OTOP3: variants seen among roughly 807,000 people sequenced by gnomAD.
The protein encoded by OTOP3 is proton channel OTOP3.
Under a neutral mutation model 50.8 loss-of-function variants are expected in OTOP3, and 41 were observed. The observed-to-expected ratio is 0.81, with a 90% CI of 0.63 to 1.05. OTOP3 has a LOEUF of 1.05. OTOP3 is among the 50% of genes least tolerant of loss of function. OTOP3 has a pLI of 0.00. For synonymous variants in OTOP3, 320 were observed against 324.4 expected (o/e 0.99, Z 0.14); for missense variants, 788 against 760.8 (o/e 1.04, Z -0.42).
In OTOP3 at chr17:74,947,356, G is replaced by A. The variant is rs1356309302; in HGVS notation, c.1447G>A (p.Glu483Lys). The change falls in exon 6 of 7, where the codon GAG (glutamate) becomes AAG (lysine). Residue 483 changes from glutamate (E) to lysine (K), a missense_variant. Physicochemically the swap from Glu to Lys is moderately conservative, Grantham distance 56 (BLOSUM62 1). Transcript: ENST00000328801. ...GCCTCCCCGCAGAGGCTCCTTGCTG[G>A]AGCTGGGCCAGGGCCTGCAGCGGGC... ...AEPPRRGSLL[E>K]LGQGLQRASL... 1.2e-6 allele frequency: 2 copies of A among 1,613,060 alleles called. No individual in the cohort carries two copies. The highest frequency in any genetic ancestry group is 1.3e-5 in the African/African-American group (1 of 75,064).
Position 74,947,494 on chromosome 17 carries a change from G to T in OTOP3, c.1566+19G>T. On this transcript the variant is annotated intron_variant, in intron 6 of 6. Transcript: ENST00000328801. ...TATCACAGTAAGTGGCTGGGCTAAG[G>T]GGCCTGGAGGGTAGAGGTGGCCAGG... The T allele has an allele frequency of 1.3e-6, 2 of 1,565,788 alleles. No homozygotes were observed. The highest frequency in any genetic ancestry group is 1.7e-6 in the Non-Finnish European group (2 of 1,155,450).
intron 5 of OTOP3, 22 bp from the exon 6 acceptor site, chr17:74,946,639 T>C (rs778352892): frequency 6.3e-7 from 1 of 1,581,842 alleles, no homozygotes; most frequent in East Asian, 2.2e-5. Context: ...TGTCTGTCCC[T>C]CCCACCCTGC....
Position 74,949,272 on chromosome 17 carries a change from A to T in OTOP3, c.1593A>T (p.Ile531=). The T allele has an allele frequency of 6.2e-7, 1 of 1,614,068 alleles. No individual in the cohort carries two copies. Among genetic ancestry groups the T allele is most frequent in the Non-Finnish European group, 8.5e-7 (1 of 1,179,982 alleles). ...ITLWMMPAFG[I]HPEFENGLEK... ...TGTGGATGATGCCTGCATTTGGCAT[A>T]CACCCGGAGTTTGAGAACGGGCTAG... Residue 531 remains isoleucine (I), a synonymous_variant, in exon 7 of 7, where the codon ATA becomes ATT. Coordinates refer to ENST00000328801, the MANE Select transcript of OTOP3 (RefSeq NM_001272005.2).
rs902573024 is a variant in OTOP3 at position 74,949,107 on chromosome 17, G to C, written c.1567-139G>C. 4.8e-6 allele frequency: 4 copies of C among 834,304 alleles called. No individual in the cohort carries two copies. In the African/African-American group the frequency reaches 6.9e-5, roughly 14 times the overall value. 51.7% of individuals were successfully genotyped at this position (834,304 alleles called of 1,614,324 possible). A position where few individuals can be genotyped will look rare whatever the true frequency, so the allele number is the denominator to read the frequency against. ...GGGGAAAGAAGAGCTCACGCTGAAA[G>C]CCCAAGGGTTAGAAGAAGACTGAGC... On this transcript the variant is annotated intron_variant, in intron 6 of 6. Transcript: ENST00000328801.
intron 5 of OTOP3, among the ~76,000 whole-genome samples, chr17:74,944,680 C>T (rs2039209029): frequency 6.6e-6 from 1 of 152,118 alleles, no homozygotes; most frequent in African/African-American, 2.4e-5. Flanking sequence ...TCGCTTGAAC[C>T]CGGGAGGCGG....
At chr17:74,945,282 G>A (rs919153334) in intron 5 of OTOP3, among the ~76,000 whole-genome samples, 6 of 152,184 alleles carry the variant, frequency 3.9e-5, no homozygotes, top group Admixed American at 2.0e-4. Flanking sequence ...AGAAAGAGAT[G>A]TATTCCCCCA....
intron 3 of OTOP3, 64 bp downstream of exon 3, chr17:74,942,101 C>T (rs1410989546): frequency 1.3e-6 from 2 of 1,533,710 alleles, no homozygotes; most frequent in African/African-American, 1.4e-5. Flanking sequence ...GCCATGCACA[C>T]ACCTCCCACT....
At position 74,947,066 on chromosome 17, in the gene OTOP3, T is replaced by C. The variant is rs372009443; in HGVS notation, c.1157T>C (p.Leu386Pro). 9 of 1,613,994 alleles carry C rather than the reference T, an allele frequency of 5.6e-6. No individual in the cohort carries two copies. Among genetic ancestry groups the C allele is most frequent in the African/African-American group, 5.3e-5 (4 of 74,944 alleles). The change falls in exon 6 of 7, where the codon CTG (leucine) becomes CCG (proline). Residue 386 changes from leucine to proline, a missense_variant. Physicochemically the swap from Leu to Pro is moderately conservative, Grantham distance 98 (BLOSUM62 -3). Transcript: ENST00000328801. ...ATACACGGGCTGGAGGAGAGAGAGCTGGACACGGTCAAGAACCCTACCCGC... is the reference window on the plus strand; with the variant it reads ...ATACACGGGCTGGAGGAGAGAGAGCCGGACACGGTCAAGAACCCTACCCGC... ...TAIHGLEERE[L>P]DTVKNPTRSL...
At chr17:74,935,981 C>T (rs2039110869) in intron 1 of OTOP3, 41 bp downstream of exon 1, 1 of 1,537,714 alleles carries the variant, frequency 6.5e-7, no homozygotes, top group African/African-American at 1.4e-5. Context: ...AGCTTGCGCA[C>T]CCCAGACACT....
chr17:74,936,071 G>C (rs1411646795), intron 1 of OTOP3, 131 bp downstream of exon 1: 1 of 1,400,500 alleles, frequency 7.1e-7, no homozygotes, highest in Non-Finnish European at 9.6e-7. Context: ...CGGGGTGACT[G>C]TGGAGAGGTG....
Position 74,947,143 on chromosome 17 carries a change from G to A in OTOP3, c.1234G>A (p.Ala412Thr), listed in dbSNP as rs372978151. The change falls in exon 6 of 7, where the codon GCC (alanine) becomes ACC (threonine). Residue 412 changes from alanine to threonine, a missense_variant. Transcript: ENST00000328801. Reference protein sequence around the residue: ...MGAALGQMGIAYFSIVAIVAK... With the variant: ...MGAALGQMGITYFSIVAIVAK... ...TGCTGCACTGGGCCAGATGGGCATC[G>A]CCTATTTCTCCATCGTGGCCATTGT... 54 of 1,613,932 alleles carry A rather than the reference G, an allele frequency of 3.3e-5. No homozygotes were observed. The highest frequency in any genetic ancestry group is 1.6e-4 in the East Asian group (7 of 44,902).
chr17:74,943,773 C>CAA, intron 5 of OTOP3, 49 bp downstream of exon 5: 1 of 1,236,746 alleles, frequency 8.1e-7, no homozygotes. Context: ...CACACACACA[C>CAA]ACACACACAC....
rs990114071 is a variant in OTOP3 at position 74,946,636 on chromosome 17, C to T, written c.752-25C>T. The T allele has an allele frequency of 8.9e-6, 14 of 1,574,118 alleles. No individual in the cohort carries two copies. The African/African-American group carries it at 1.9e-4, about 21-fold the overall frequency. ...GAGCAGAGCCTGCCTGAATGTCTGT[C>T]CCTCCCACCCTGCCTCCCTCCCAGG... is the stretch of plus-strand genomic sequence containing the variant. On this transcript the variant is annotated intron_variant, in intron 5 of 6. Coordinates refer to ENST00000328801, the MANE Select transcript of OTOP3 (RefSeq NM_001272005.2).
Position 74,942,051 on chromosome 17 carries a change from C to T in OTOP3, c.573+14C>T. The T allele has an allele frequency of 6.3e-7, 1 of 1,597,918 alleles. No homozygotes were observed. Among genetic ancestry groups the T allele is most frequent in the Non-Finnish European group, 8.5e-7 (1 of 1,170,934 alleles). ...ATCGGCGTCCAGGTGACAGGCTTCT[C>T]ACGTCCCCACATCACCGAGGACATA... On this transcript the variant is annotated intron_variant, in intron 3 of 6. Coordinates refer to ENST00000328801, the MANE Select transcript of OTOP3 (RefSeq NM_001272005.2).
intron 5 of OTOP3, among the ~76,000 whole-genome samples, chr17:74,946,072 G>C (rs2039222015): frequency 6.6e-6 from 1 of 152,096 alleles, no homozygotes; most frequent in Non-Finnish European, 1.5e-5. Context: ...CTGCCTCCCG[G>C]TCTCAAGCCA....
At chr17:74,942,103 C>T (rs2039182732) in intron 3 of OTOP3, 66 bp downstream of exon 3, 8 of 1,521,916 alleles carry the variant, frequency 5.3e-6, no homozygotes, top group Non-Finnish European at 6.2e-6. Flanking sequence ...CATGCACACA[C>T]CTCCCACTAC....
At position 74,943,722 on chromosome 17, in the gene OTOP3, C is replaced by G. The variant is rs2039199922; in HGVS notation, c.749C>G (p.Thr250Arg). Residue 250 changes from threonine (T) to arginine (R), a missense_variant and splice_region_variant, in exon 5 of 7, where the codon ACA (threonine) becomes AGA (arginine). Physicochemically the swap from Thr to Arg is moderately conservative, Grantham distance 71. Coordinates refer to ENST00000328801, the MANE Select transcript of OTOP3 (RefSeq NM_001272005.2). ...AELGILMEKS[T>R]GNETNTCLCL... ...CTTGGCATCCTCATGGAAAAATCCA[C>G]AGGTATGGAAAGGAGACCAGGTCTT... 1.2e-6 allele frequency: 2 copies of G among 1,603,892 alleles called. No homozygotes were observed. Among genetic ancestry groups the G allele is most frequent in the Admixed American group, 1.7e-5 (1 of 59,886 alleles).
chr17:74,944,256 T>C (rs537890693), intron 5 of OTOP3, among the ~76,000 whole-genome samples: 1 of 152,040 alleles, frequency 6.6e-6, no homozygotes, highest in African/African-American at 2.4e-5. Flanking sequence ...CACACCTGTA[T>C]GTACATGCCC....
Position 74,941,959 on chromosome 17 carries a change from C to T in OTOP3, c.495C>T (p.Tyr165=), listed in dbSNP as rs748203555. ...GCCTCAACATCTTCCGAGTGGGCTA[C>T]GATGTGAGCCACATCCGCTGCAAGT... is the stretch of plus-strand genomic sequence containing the variant. The part of the protein sequence containing the change: ...TFCLNIFRVG[Y]DVSHIRCKSQ... The change falls in exon 3 of 7, where the codon TAC becomes TAT. Residue 165 remains tyrosine (Y), a synonymous_variant. Transcript: ENST00000328801. 27 of 1,613,428 alleles carry T rather than the reference C, an allele frequency of 1.7e-5. No individual in the cohort carries two copies. In the South Asian group the frequency reaches 2.0e-4, roughly 12 times the overall value.
Sources: gnomAD v4.1 joint callset for allele counts (sites outside exome capture counted in the v4.1 genomes callset) on GRCh38, gnomAD v4.1.1 for gene constraint, MANE v1.5 for transcripts, NCBI Gene and HGNC (gene_info 2026-07-23, HGNC 2026-07-21) for gene names.